PTPRK: variants seen among roughly 807,000 people sequenced by gnomAD.
The protein encoded by PTPRK is receptor-type tyrosine-protein phosphatase kappa.
Under a neutral mutation model 178.0 loss-of-function variants are expected in PTPRK, and 75 were observed. The ratio of observed to expected loss-of-function variants is 0.42; its 90% CI spans 0.35 to 0.51. The LOEUF (loss-of-function observed/expected upper bound fraction) is 0.51. Ranked by LOEUF, PTPRK falls within the 20% of genes least tolerant of loss-of-function variation. PTPRK has a pLI of 0.02. For synonymous variants in PTPRK, 637 were observed against 620.6 expected, an observed-to-expected ratio of 1.03 and a Z score of -0.39; for missense variants, 1,441 against 1,797.8, an observed-to-expected ratio of 0.80 and a Z score of 3.59.
At chr6:128,373,407 T>C (rs1005299580) in intron 2 of PTPRK, among the ~76,000 whole-genome samples, 4 of 152,202 alleles carry the variant, frequency 2.6e-5, no homozygotes, top group South Asian at 4.1e-4. Context: ...TTCCATTACA[T>C]TGATGTTTAT....
intron 6 of PTPRK, among the ~76,000 whole-genome samples, chr6:128,214,968 T>C (rs1165800596): frequency 6.6e-6 from 1 of 152,142 alleles, no homozygotes; most frequent in Non-Finnish European, 1.5e-5. Context: ...TATTATTCAT[T>C]AGGAACAGAC....
At chr6:128,453,331 C>T (rs1848009793) in intron 1 of PTPRK, among the ~76,000 whole-genome samples, 1 of 152,160 alleles carries the variant, frequency 6.6e-6, no homozygotes, top group Non-Finnish European at 1.5e-5. Context: ...AACGTCTGCA[C>T]CCCTTAGCTC....
intron 3 of PTPRK, among the ~76,000 whole-genome samples, chr6:128,256,672 G>A (rs960686996): frequency 2.6e-5 from 4 of 151,666 alleles, no homozygotes; most frequent in East Asian, 2.0e-4. Flanking sequence ...TCCTGACCTC[G>A]TGATCCGCCC....
At chr6:128,180,678 A>C (rs1801765208) in intron 7 of PTPRK, among the ~76,000 whole-genome samples, 1 of 152,174 alleles carries the variant, frequency 6.6e-6, no homozygotes, top group Non-Finnish European at 1.5e-5. Flanking sequence ...TTAACTGTTT[A>C]AAGTATTTAA....
intron 7 of PTPRK, among the ~76,000 whole-genome samples, chr6:128,090,233 T>C (rs911770970): frequency 6.6e-6 from 1 of 152,200 alleles, no homozygotes; most frequent in Admixed American, 6.5e-5. Context: ...CTCAGGAACT[T>C]GGCAGAAAAA....
chr6:128,364,953 G>T (rs940612799), intron 2 of PTPRK, among the ~76,000 whole-genome samples: 6 of 151,968 alleles, frequency 3.9e-5, no homozygotes, highest in Admixed American at 3.3e-4. Context: ...TAGAGTCGAT[G>T]ACTTCATCTT....
chr6:128,313,256 T>C (rs1335680202), intron 3 of PTPRK, among the ~76,000 whole-genome samples: 1 of 152,130 alleles, frequency 6.6e-6, no homozygotes, highest in Non-Finnish European at 1.5e-5. Context: ...CATAGTGCTA[T>C]TGTGAGGATG....
intron 1 of PTPRK, among the ~76,000 whole-genome samples, chr6:128,459,867 A>C (rs964739902): frequency 1.3e-5 from 2 of 152,166 alleles, no homozygotes; most frequent in African/African-American, 4.8e-5. Context: ...TTGTACAGGC[A>C]GCATGGTAGT....
chr6:128,205,456 A>G (rs1806760795), intron 6 of PTPRK, among the ~76,000 whole-genome samples: 1 of 152,072 alleles, frequency 6.6e-6, no homozygotes, highest in Admixed American at 6.6e-5. Flanking sequence ...AAGTGAAGAA[A>G]TTTCAAGAAA....
chr6:128,470,784 C>A (rs1228743547), intron 1 of PTPRK, among the ~76,000 whole-genome samples: 1 of 142,858 alleles, frequency 7.0e-6, no homozygotes, highest in Non-Finnish European at 1.5e-5. Flanking sequence ...GGCTAAGAAG[C>A]CTTTCCTGCA....
chr6:128,184,459 G>A lies in PTPRK; in HGVS notation c.1135C>T (p.Pro379Ser), dbSNP rs754612668. Residue 379 changes from proline (P) to serine (S), a missense_variant, in exon 7 of 30, where the codon CCA becomes TCA. Pro to Ser is a moderately conservative substitution (Grantham distance 74). Around this residue, in one of 4 missense-constraint regions of PTPRK, gnomAD observed 945 missense variants for 1,080.6 expected, o/e 0.87. Transcript: ENST00000368226. ...GCACATTTTGTTCTGGTGATTAGTGGAGGTCCTGGGAGCCCCGTTCCACCT... is the reference window on the plus strand; with the variant it reads ...GCACATTTTGTTCTGGTGATTAGTGAAGGTCCTGGGAGCCCCGTTCCACCT... Reference protein sequence around the residue: ...GEGGTGLPGPPLITRTKCAEP... With the variant: ...GEGGTGLPGPSLITRTKCAEP... 7.4e-6 allele frequency: 12 copies of A among 1,613,444 alleles called. No individual in the cohort carries two copies. The Admixed American group carries it at 1.7e-4, about 22-fold the overall frequency.
chr6:128,130,024 T>A (rs531681602), intron 7 of PTPRK, among the ~76,000 whole-genome samples: 2 of 152,168 alleles, frequency 1.3e-5, no homozygotes, highest in African/African-American at 4.8e-5. Flanking sequence ...TCTGCTTGTA[T>A]TGCTTGGCAA....
At chr6:127,982,777 C>A (rs146108419) in intron 24 of PTPRK, 54 bp downstream of exon 24, 15 of 1,490,460 alleles carry the variant, frequency 1.0e-5, no homozygotes, top group Non-Finnish European at 1.4e-5. Context: ...GGATTCCTAG[C>A]GCCCAGAACA....
chr6:128,000,988 C>T (rs1012655062), intron 15 of PTPRK, among the ~76,000 whole-genome samples: 1 of 151,866 alleles, frequency 6.6e-6, no homozygotes, highest in South Asian at 2.1e-4. Context: ...AGCTTTAATA[C>T]AGTAGTACAA....
At chr6:128,427,596 T>G (rs1464048499) in intron 1 of PTPRK, among the ~76,000 whole-genome samples, 2 of 152,244 alleles carry the variant, frequency 1.3e-5, no homozygotes. Context: ...GATTTTTACT[T>G]TTTTATGATT....
intron 1 of PTPRK, among the ~76,000 whole-genome samples, chr6:128,481,569 G>A (rs1852086220): frequency 1.3e-5 from 2 of 152,164 alleles, no homozygotes; most frequent in Admixed American, 6.6e-5. Context: ...GTATTGCAGG[G>A]ATTGTGGTAT....
intron 1 of PTPRK, among the ~76,000 whole-genome samples, chr6:128,401,431 G>A (rs1486669935): frequency 2.6e-5 from 4 of 152,046 alleles, no homozygotes; most frequent in African/African-American, 7.2e-5. Flanking sequence ...GAGAGAACAC[G>A]GAACCAGAGA....
In PTPRK at chr6:127,972,082, C is replaced by G. The variant is rs116759645; in HGVS notation, c.4269+940G>C. ...TGTAGAAAGGGTGGAAGTCTGGTAC[C>G]GCTTGTAAAAGTGAAACAGTACAAA... On this transcript the variant is annotated intron_variant, in intron 29 of 29. Transcript: ENST00000368226. Among the ~76,000 whole-genome samples, 77 of 152,090 alleles carry G rather than the reference C, an allele frequency of 5.1e-4. 1 individual carries two copies. The highest frequency in any genetic ancestry group is 1.8e-3 in the African/African-American group (75 of 41,478).
intron 6 of PTPRK, among the ~76,000 whole-genome samples, chr6:128,201,668 G>A (rs1805981701): frequency 6.6e-6 from 1 of 151,796 alleles, no homozygotes; most frequent in Non-Finnish European, 1.5e-5. Flanking sequence ...AGAATAGCCT[G>A]GGAAACATAG....
Sources: gnomAD v4.1 joint callset for allele counts (sites outside exome capture counted in the v4.1 genomes callset) on GRCh38, gnomAD v4.1.1 for gene constraint, gnomAD v4.1.1 regional missense constraint, MANE v1.5 for transcripts, NCBI Gene and HGNC (gene_info 2026-07-23, HGNC 2026-07-21) for gene names.